The following RPRD2 variants were observed in gnomAD, a reference collection of about 807,000 sequenced individuals.
RPRD2 encodes regulation of nuclear pre-mRNA domain containing 2.
RPRD2 carries 12 observed loss-of-function variants against 104.4 expected under a neutral mutation model. That is an observed-to-expected ratio of 0.11 (90% CI 0.07 to 0.19). RPRD2 has a LOEUF of 0.19. Among genes scored for constraint, RPRD2 ranks in the 10% least tolerant of loss-of-function variants. The pLI is 1.00. For synonymous variants in RPRD2, 714 were observed against 684.9 expected (o/e 1.04, Z -0.66); for missense variants, 1,543 against 1,790.1 (o/e 0.86, Z 2.49).
At chr1:150,393,914 AC>A (rs1422244352) in intron 1 of RPRD2, among the ~76,000 whole-genome samples, 3 of 152,286 alleles carry the variant, frequency 2.0e-5, no homozygotes, top group South Asian at 4.1e-4. Context: ...AGTGAAAAAA[AC>A]AAAGGTAAAA....
In RPRD2 at chr1:150,476,446, G is replaced by A. The variant is rs1668897555; in HGVS notation, c.*3112G>A. On this transcript the variant is annotated 3_prime_UTR_variant, in exon 11 of 11. Coordinates refer to ENST00000369068, the MANE Select transcript of RPRD2 (RefSeq NM_015203.5). ...TGTTAAGATCTAAAATAGATATGTT[G>A]GATTGATATTCTCACGTGTTCGGTG... 1 of 152,088 alleles carries A rather than the reference G, an allele frequency of 6.6e-6. No homozygotes were observed. Among genetic ancestry groups the A allele is most frequent in the Non-Finnish European group, 1.5e-5 (1 of 68,008 alleles). The allele number at this position is 152,088 out of a possible 1,614,324, so 9.4% of individuals were successfully genotyped here.
chr1:150,388,385 T>C (rs1325419726), intron 1 of RPRD2, among the ~76,000 whole-genome samples: 3 of 150,812 alleles, frequency 2.0e-5, no homozygotes, highest in Non-Finnish European at 4.4e-5. Context: ...CATATACACG[T>C]ATACACATGT....
At chr1:150,398,418 G>A (rs968694607) in intron 1 of RPRD2, among the ~76,000 whole-genome samples, 19 of 151,952 alleles carry the variant, frequency 1.3e-4, no homozygotes, top group African/African-American at 2.2e-4. Context: ...GGATGGTCTC[G>A]ATCTCCTGAC....
chr1:150,438,976 A>C (rs1553893794), intron 2 of RPRD2, among the ~76,000 whole-genome samples: 4 of 152,132 alleles, frequency 2.6e-5, no homozygotes, highest in African/African-American at 9.7e-5. Flanking sequence ...CTGGGATTAC[A>C]GGCATGTGCC....
chr1:150,372,436 G>C (rs1246453568), intron 1 of RPRD2, among the ~76,000 whole-genome samples: 1 of 151,818 alleles, frequency 6.6e-6, no homozygotes, highest in Non-Finnish European at 1.5e-5. Context: ...GTTGCAGTGA[G>C]CCATGATCAT....
At chr1:150,459,982 T>C (rs1216739056) in intron 8 of RPRD2, 78 bp from the exon 9 acceptor site, 8 of 1,373,700 alleles carry the variant, frequency 5.8e-6, no homozygotes, top group Non-Finnish European at 7.0e-6. Context: ...TCCGGAAATA[T>C]TAGGACATGT....
At chr1:150,378,580 C>T (rs1373085482) in intron 1 of RPRD2, among the ~76,000 whole-genome samples, 2 of 152,182 alleles carry the variant, frequency 1.3e-5, no homozygotes, top group Admixed American at 6.5e-5. Flanking sequence ...GAAGAACACA[C>T]TTCTCTCCTT....
chr1:150,475,075 C>G lies in RPRD2; in HGVS notation c.*1741C>G, dbSNP rs1668825022. ...TTCATCTTCTTAATGCCTGTCTGGT[C>G]TTAAGCCAACTGTTCTTTCTTTCCT... On this transcript the variant is annotated 3_prime_UTR_variant, in exon 11 of 11. Coordinates refer to ENST00000369068, the MANE Select transcript of RPRD2 (RefSeq NM_015203.5). 6.6e-6 allele frequency: 1 copy of G among 152,144 alleles called. No individual in the cohort carries two copies. Among genetic ancestry groups the G allele is most frequent in the Admixed American group, 6.6e-5 (1 of 15,264 alleles). The allele number at this position is 152,144 out of a possible 1,614,324, so 9.4% of individuals were successfully genotyped here.
At chr1:150,380,928 TACAGGC>T (rs1553880677) in intron 1 of RPRD2, among the ~76,000 whole-genome samples, 4 of 152,234 alleles carry the variant, frequency 2.6e-5, no homozygotes, top group Non-Finnish European at 5.9e-5. Flanking sequence ...GTGCTGGGAT[TACAGGC>T]GTGAAGCACG....
chr1:150,439,855 G>A (rs1418623575), intron 2 of RPRD2, among the ~76,000 whole-genome samples: 2 of 150,974 alleles, frequency 1.3e-5, no homozygotes, highest in Non-Finnish European at 3.0e-5. Context: ...CAATGGTTAC[G>A]CCCTTCCTGC....
chr1:150,465,724 T>A (rs1443790562), intron 10 of RPRD2, among the ~76,000 whole-genome samples: 3 of 151,624 alleles, frequency 2.0e-5, no homozygotes, highest in African/African-American at 7.3e-5. Flanking sequence ...TTAATTTCAG[T>A]GTTAACCAAA....
At chr1:150,456,315 A>T (rs782215307) in intron 7 of RPRD2, among the ~76,000 whole-genome samples, 1 of 152,174 alleles carries the variant, frequency 6.6e-6, no homozygotes, top group Admixed American at 6.6e-5. Flanking sequence ...AATTACAGAT[A>T]ACTGCTAGGT....
chr1:150,445,193 T>A (rs1006213377), intron 6 of RPRD2, among the ~76,000 whole-genome samples: 1 of 152,122 alleles, frequency 6.6e-6, no homozygotes, highest in Non-Finnish European at 1.5e-5. Context: ...AAAAATTTTT[T>A]AAAAACAAAC....
At chr1:150,383,306 GTT>G (rs1553881149) in intron 1 of RPRD2, among the ~76,000 whole-genome samples, 57 of 126,668 alleles carry the variant, frequency 4.5e-4, no homozygotes, top group Middle Eastern at 4.5e-3. Context: ...CAAATAAGAG[GTT>G]TTTTTTTTTT....
chr1:150,451,894 A>G (rs1667204517), intron 7 of RPRD2, among the ~76,000 whole-genome samples: 1 of 151,602 alleles, frequency 6.6e-6, no homozygotes, highest in African/African-American at 2.4e-5. Context: ...TAATCCCAGC[A>G]CTTTGGGAGG....
At chr1:150,432,626 G>T (rs371737307) in intron 2 of RPRD2, among the ~76,000 whole-genome samples, 1 of 68,528 alleles carries the variant, frequency 1.5e-5, no homozygotes, top group Non-Finnish European at 3.6e-5. Flanking sequence ...ATAAGAAAAT[G>T]ATAAAAAAAA....
intron 1 of RPRD2, among the ~76,000 whole-genome samples, chr1:150,366,208 C>T (rs1659830339): frequency 6.6e-6 from 1 of 152,250 alleles, no homozygotes; most frequent in African/African-American, 2.4e-5. Context: ...CTGCCTGCGG[C>T]ATTTCACCAG....
At position 150,473,239 on chromosome 1, in the gene RPRD2, G is replaced by C. The variant is rs1231479960; in HGVS notation, c.4291G>C (p.Asp1431His). Reference protein sequence around the residue: ...FRPREPFLSRDPFHSLKRPRP... With the variant: ...FRPREPFLSRHPFHSLKRPRP... ...GCCTAGGGAACCTTTTCTCAGCAGA[G>C]ACCCATTTCACAGTTTAAAGAGACC... The change falls in exon 11 of 11, where the codon GAC (aspartate) becomes CAC (histidine). Residue 1431 changes from aspartate to histidine, a missense_variant. This residue lies in a region of RPRD2 where 880 missense variants were observed against 885.6 expected (regional missense o/e 0.99). Transcript: ENST00000369068. 6.2e-7 allele frequency: 1 copy of C among 1,613,938 alleles called. No individual in the cohort carries two copies. Among genetic ancestry groups the C allele is most frequent in the Admixed American group, 1.7e-5 (1 of 60,016 alleles).
At chr1:150,366,671 A>C (rs587704744) in intron 1 of RPRD2, among the ~76,000 whole-genome samples, 1 of 152,318 alleles carries the variant, frequency 6.6e-6, no homozygotes, top group Non-Finnish European at 1.5e-5. Context: ...TACTCAGTAA[A>C]ATGGTGGGGT....
Sources: allele counts gnomAD v4.1 joint callset (sites outside exome capture counted in the v4.1 genomes callset), GRCh38; gene constraint gnomAD v4.1.1; regional missense constraint gnomAD v4.1.1; transcripts MANE v1.5; gene names NCBI Gene and HGNC (gene_info 2026-07-23, HGNC 2026-07-21).